The following ODR4 variants were observed in gnomAD, a reference collection of about 807,000 sequenced individuals.
ODR4 encodes odr-4 GPCR localization factor homolog.
A neutral mutation model predicts 60.2 loss-of-function variants in ODR4; 47 were observed. The observed-to-expected ratio is 0.78, with a 90% CI of 0.62 to 1.00. ODR4 has a LOEUF of 1.00. Among genes scored for constraint, ODR4 ranks in the 50% least tolerant of loss-of-function variants. The pLI is 0.00. For synonymous variants in ODR4, 178 were observed against 175.5 expected (o/e 1.01, Z -0.11); for missense variants, 488 against 530.8 (o/e 0.92, Z 0.79).
chr1:186,415,380 CA>C (rs1661525134), intron 12 of ODR4, among the ~76,000 whole-genome samples: 1 of 152,100 alleles, frequency 6.6e-6, no homozygotes, highest in African/African-American at 2.4e-5. Context: ...TCTATAAGAA[CA>C]TTGTAAATTC....
intron 3 of ODR4, among the ~76,000 whole-genome samples, chr1:186,383,909 G>A (rs1395529305): frequency 6.6e-6 from 1 of 152,026 alleles, no homozygotes; most frequent in Admixed American, 6.5e-5. Context: ...TGTGGTGGCA[G>A]GTGCCTGTAA....
chr1:186,402,494 G>C (rs1661021590), intron 11 of ODR4, among the ~76,000 whole-genome samples: 1 of 151,432 alleles, frequency 6.6e-6, no homozygotes, highest in East Asian at 1.9e-4. Flanking sequence ...TGAACTCTTG[G>C]TCCTAAGTGA....
At chr1:186,402,739 C>A (rs1035631329) in intron 11 of ODR4, among the ~76,000 whole-genome samples, 4 of 149,884 alleles carry the variant, frequency 2.7e-5, no homozygotes, top group African/African-American at 9.8e-5. Context: ...AAGCGCACAG[C>A]AGTATGCCTG....
chr1:186,429,113 G>A, the ODR4 span, among the ~76,000 whole-genome samples: 22 of 152,136 alleles, frequency 1.4e-4, no homozygotes, highest in South Asian at 4.6e-3. Context: ...AACTGGTTGT[G>A]GTTGGCACAT....
At chr1:186,403,892 T>C (rs903584934) in intron 11 of ODR4, among the ~76,000 whole-genome samples, 7 of 152,184 alleles carry the variant, frequency 4.6e-5, no homozygotes, top group African/African-American at 1.7e-4. Flanking sequence ...ACCACTCCAC[T>C]GTCTTCCCAG....
chr1:186,406,321 C>T, intron 12 of ODR4, 53 bp downstream of exon 12: 1 of 1,317,948 alleles, frequency 7.6e-7, no homozygotes, highest in Middle Eastern at 1.9e-4. Flanking sequence ...TAAGATTTTA[C>T]CTATGAGATG....
chr1:186,389,977 G>GT (rs987645387), intron 6 of ODR4, among the ~76,000 whole-genome samples: 13 of 151,558 alleles, frequency 8.6e-5, no homozygotes, highest in East Asian at 5.8e-4. Flanking sequence ...TTTGTTTTTT[G>GT]TTTTTTTTGA....
downstream of ODR4, among the ~76,000 whole-genome samples, chr1:186,424,084 A>G (rs1661843961): frequency 6.6e-6 from 1 of 152,160 alleles, no homozygotes; most frequent in Non-Finnish European, 1.5e-5. Flanking sequence ...CCTTAGAGAA[A>G]TTCTTGGATA....
chr1:186,434,403 T>A, the ODR4 span, among the ~76,000 whole-genome samples: 1 of 152,178 alleles, frequency 6.6e-6, no homozygotes, highest in Non-Finnish European at 1.5e-5. Context: ...TTTATGGTTT[T>A]TGTTACTATT....
chr1:186,434,398 G>A, the ODR4 span, among the ~76,000 whole-genome samples: 2 of 151,926 alleles, frequency 1.3e-5, no homozygotes, highest in Non-Finnish European at 2.9e-5. Context: ...AATCATTTAT[G>A]GTTTTTGTTA....
At chr1:186,431,419 G>C in the ODR4 span, among the ~76,000 whole-genome samples, 1 of 151,868 alleles carries the variant, frequency 6.6e-6, no homozygotes, top group African/African-American at 2.4e-5. Flanking sequence ...TTCAAGAATA[G>C]AAAAAAATGA....
Position 186,389,608 on chromosome 1 carries a change from A to G in ODR4, c.458A>G (p.Asp153Gly). The G allele has an allele frequency of 6.5e-7, 1 of 1,539,730 alleles. No individual in the cohort carries two copies. The part of the protein sequence containing the change: ...STKKIFCRTY[D>G]IHDPKSSARP... The stretch of plus-strand genomic sequence containing the variant: ...TGAAGAATATTTTGTCGAACTTATG[A>G]TATCCATGATCCAAAGGTAAGAAAT... Residue 153 changes from aspartate to glycine, a missense_variant, in exon 6 of 14, where the codon GAT (aspartate) becomes GGT (glycine). Transcript: ENST00000287859.
At chr1:186,406,297 G>T in intron 12 of ODR4, 29 bp downstream of exon 12, 2 of 1,482,210 alleles carry the variant, frequency 1.3e-6, no homozygotes, top group Non-Finnish European at 9.0e-7. Context: ...TTAAGAACCT[G>T]GTTAGATTAC....
chr1:186,395,713 G>A (rs948269984), intron 9 of ODR4, among the ~76,000 whole-genome samples: 2 of 152,084 alleles, frequency 1.3e-5, no homozygotes, highest in African/African-American at 4.8e-5. Flanking sequence ...ACCTTTGTTA[G>A]TATATCTCTT....
chr1:186,402,077 C>A (rs1013781243), intron 11 of ODR4, among the ~76,000 whole-genome samples: 2 of 151,856 alleles, frequency 1.3e-5, no homozygotes, highest in African/African-American at 4.8e-5. Flanking sequence ...CTTCTTTTCT[C>A]TCTCTCTCTT....
chr1:186,428,462 A>G, the ODR4 span, among the ~76,000 whole-genome samples: 1 of 152,188 alleles, frequency 6.6e-6, no homozygotes, highest in Non-Finnish European at 1.5e-5. Flanking sequence ...TCTTAAGGGA[A>G]TGTTGTGGCT....
rs113247382 is a variant in ODR4, at chr1:186,375,993, A to AGTGTGTGT, written c.-20+41_-20+48dup. On this transcript the variant is annotated intron_variant, in intron 1 of 13. Transcript: ENST00000287859. ...AAAACAGGTAAGTCAGCCTAAGTGT[A>AGTGTGTGT]GTGTGTGTGTGTGTGTGTGTGTGTG... 33,899 of 158,232 alleles carry AGTGTGTGT rather than the reference A, an allele frequency of 0.21. 3,957 individuals are homozygous for AGTGTGTGT. Among genetic ancestry groups the AGTGTGTGT allele is most frequent in the Non-Finnish European group, 0.25 (17,719 of 71,930 alleles). 9.8% of individuals were successfully genotyped at this position (158,232 alleles called of 1,614,324 possible). A position where few individuals can be genotyped will look rare whatever the true frequency, so the allele number is the denominator to read the frequency against.
At chr1:186,426,018 A>C (rs1409226039), downstream of ODR4, among the ~76,000 whole-genome samples, 1 of 152,180 alleles carries the variant, frequency 6.6e-6, no homozygotes, top group Admixed American at 6.5e-5. Flanking sequence ...TAGATTCACA[A>C]ATTTATTAGG....
Position 186,406,687 on chromosome 1 carries a change from C to CT in ODR4, c.1186+429dup, listed in dbSNP as rs150378102. Among the ~76,000 whole-genome samples, 516 of 148,712 alleles carry CT rather than the reference C, an allele frequency of 3.5e-3. 5 individuals are homozygous for CT. Among genetic ancestry groups the CT allele is most frequent in the South Asian group, 0.022 (105 of 4,702 alleles). On this transcript the variant is annotated intron_variant, in intron 12 of 13. Transcript: ENST00000287859. ...TAAACATTTTCTCCATATTATTTGC[C>CT]TTTTTTTTTTCATATACCTTTCATG...
Sources: gnomAD v4.1 joint callset for allele counts (sites outside exome capture counted in the v4.1 genomes callset) on GRCh38, gnomAD v4.1.1 for gene constraint, MANE v1.5 for transcripts, NCBI Gene and HGNC (gene_info 2026-07-23, HGNC 2026-07-21) for gene names.